The following GNA12 variants were observed in gnomAD, a reference collection of about 807,000 sequenced individuals.
GNA12 encodes G protein subunit alpha 12.
GNA12 carries 9 observed loss-of-function variants against 26.0 expected under a neutral mutation model. The observed-to-expected ratio is 0.35, with a 90% CI of 0.21 to 0.60. The LOEUF (loss-of-function observed/expected upper bound fraction) is 0.60, where lower values mean the gene tolerates loss of function less well. Ranked by LOEUF, GNA12 falls within the 20% of genes least tolerant of loss-of-function variation. The pLI is 0.78. For missense variants in GNA12, 405 were observed against 525.8 expected (o/e 0.77, Z 2.25); for synonymous variants, 264 against 219.6 (o/e 1.20, Z -1.79).
intron 2 of GNA12, among the ~76,000 whole-genome samples, chr7:2,738,074 A>C (rs1394266719): frequency 6.6e-6 from 1 of 152,190 alleles, no homozygotes; most frequent in Non-Finnish European, 1.5e-5. Flanking sequence ...GAAGCTTTTC[A>C]AGTTTTAATT....
At chr7:2,836,412 C>T (rs1421135655) in intron 1 of GNA12, among the ~76,000 whole-genome samples, 3 of 152,196 alleles carry the variant, frequency 2.0e-5, no homozygotes, top group Non-Finnish European at 2.9e-5. Flanking sequence ...GGCTACCCAG[C>T]GACCTCAGGA....
chr7:2,799,087 T>C (rs1005459090), intron 1 of GNA12, among the ~76,000 whole-genome samples: 1 of 152,206 alleles, frequency 6.6e-6, no homozygotes. Flanking sequence ...TCAAAGTTCT[T>C]AGATGTGACT....
At chr7:2,815,104 C>T in intron 1 of GNA12, 1 of 1,092,772 alleles carries the variant, frequency 9.2e-7, no homozygotes, top group Non-Finnish European at 1.3e-6. Context: ...CAGACAAGGC[C>T]TTGCCCGCAT....
rs536036232 is a variant in GNA12 at position 2,807,682 on chromosome 7, T to C, written c.310-12539A>G. 3.1e-4 allele frequency among the ~76,000 whole-genome samples: 47 copies of C among 151,880 alleles called. No homozygotes were observed. In the South Asian group the frequency reaches 8.9e-3, roughly 29 times the overall value. ...TCTGGAGGAAAGTTCAAACTTGCGA[T>C]AAGACCAAATGGAAAAAAGCTGGAA... is the stretch of plus-strand genomic sequence containing the variant. On this transcript the variant is annotated intron_variant, in intron 1 of 3. Coordinates refer to ENST00000275364, the MANE Select transcript of GNA12 (RefSeq NM_007353.3).
chr7:2,782,707 G>A (rs1476604944), intron 2 of GNA12, among the ~76,000 whole-genome samples: 2 of 150,344 alleles, frequency 1.3e-5, no homozygotes, highest in East Asian at 3.9e-4. Context: ...TTGACTGTTT[G>A]ATATGATTTA....
At chr7:2,827,946 T>C (rs1396672482) in intron 1 of GNA12, among the ~76,000 whole-genome samples, 1 of 152,112 alleles carries the variant, frequency 6.6e-6, no homozygotes, top group Non-Finnish European at 1.5e-5. Context: ...AATGAAAGAC[T>C]AGAAAAAGGG....
At chr7:2,802,350 T>C (rs1373842786) in intron 1 of GNA12, among the ~76,000 whole-genome samples, 2 of 128,020 alleles carry the variant, frequency 1.6e-5, no homozygotes, top group Non-Finnish European at 3.1e-5. Context: ...AAACTTCTAG[T>C]CAAAGTATAG....
At chr7:2,837,970 T>C (rs1309471501) in intron 1 of GNA12, among the ~76,000 whole-genome samples, 3 of 152,170 alleles carry the variant, frequency 2.0e-5, no homozygotes, top group African/African-American at 7.2e-5. Context: ...TCAAAGTCTG[T>C]TAAGTGCTAA....
rs568873058 is a variant in GNA12 at position 2,814,705 on chromosome 7, C to T, written c.310-19562G>A. ...AGCTCTAAAAGGCTGGACCAGTCAC[C>T]GTCCAGATGTGAACTCCTTGCATAT... On this transcript the variant is annotated intron_variant, in intron 1 of 3. Transcript: ENST00000275364. Among the ~76,000 whole-genome samples, 223 of 151,298 alleles carry T rather than the reference C, an allele frequency of 1.5e-3. 3 individuals are homozygous for T. Among genetic ancestry groups the T allele is most frequent in the Non-Finnish European group, 1.2e-3 (83 of 67,890 alleles).
chr7:2,780,093 T>TATATATATATAA lies in GNA12; in HGVS notation c.525+14834_525+14835insTTATATATATAT, dbSNP rs57390413. On this transcript the variant is annotated intron_variant, in intron 2 of 3. Coordinates refer to ENST00000275364, the MANE Select transcript of GNA12 (RefSeq NM_007353.3). ...ATATATATATATATATATATATATA[T>TATATATATATAA]GCCTGTTTTCCCTTCTAAACAGAAA... Among the ~76,000 whole-genome samples the TATATATATATAA allele has an allele frequency of 1.2e-4, 16 of 130,138 alleles. 1 individual carries two copies. Among genetic ancestry groups the TATATATATATAA allele is most frequent in the African/African-American group, 4.8e-4 (16 of 33,318 alleles). The allele number at this position is 130,138 out of a possible 152,430, so 85.4% of individuals were successfully genotyped here.
chr7:2,804,498 G>A (rs997896511), intron 1 of GNA12, among the ~76,000 whole-genome samples: 29 of 152,146 alleles, frequency 1.9e-4, no homozygotes, highest in African/African-American at 6.5e-4. Context: ...GGCTTTCCTT[G>A]GTCCCACCAC....
At chr7:2,746,121 A>C (rs1242028466) in intron 2 of GNA12, among the ~76,000 whole-genome samples, 4 of 152,224 alleles carry the variant, frequency 2.6e-5, no homozygotes, top group African/African-American at 4.8e-5. Context: ...CGAGACAGAA[A>C]GTTAACAAGG....
chr7:2,749,519 G>C (rs1030350821), intron 2 of GNA12, among the ~76,000 whole-genome samples: 5 of 150,986 alleles, frequency 3.3e-5, no homozygotes, highest in African/African-American at 1.2e-4. Context: ...TGTGGGGTAG[G>C]GGGAGGGGGG....
In GNA12 at chr7:2,734,252, C is replaced by T. The variant is rs367597053; in HGVS notation, c.526-751G>A. 1.3e-4 allele frequency among the ~76,000 whole-genome samples: 20 copies of T among 152,282 alleles called. No homozygotes were observed. The South Asian group carries it at 2.1e-3, about 16-fold the overall frequency. ...GGAGGAGCCGGGAGAGCGCAACCAC[C>T]GACCACAGAGCAGCCCGCATATGAA... On this transcript the variant is annotated intron_variant, in intron 2 of 3. Transcript: ENST00000275364.
At chr7:2,742,371 G>A (rs139933446) in intron 2 of GNA12, among the ~76,000 whole-genome samples, 68 of 152,208 alleles carry the variant, frequency 4.5e-4, no homozygotes, top group African/African-American at 1.5e-3. Flanking sequence ...GGGTTTTTGC[G>A]ATGTCTCCAG....
intron 2 of GNA12, among the ~76,000 whole-genome samples, chr7:2,772,608 C>G (rs1474596894): frequency 1.3e-5 from 2 of 151,644 alleles, no homozygotes; most frequent in Non-Finnish European, 2.9e-5. Flanking sequence ...CAGGAAAGTT[C>G]TTACTTAGAA....
chr7:2,830,007 G>A (rs1472182000), intron 1 of GNA12, among the ~76,000 whole-genome samples: 1 of 152,168 alleles, frequency 6.6e-6, no homozygotes, highest in Non-Finnish European at 1.5e-5. Flanking sequence ...CTCCTGCCTC[G>A]AGCTGTGGTC....
intron 1 of GNA12, chr7:2,814,337 A>G: frequency 6.3e-7 from 1 of 1,596,342 alleles, no homozygotes; most frequent in Non-Finnish European, 8.6e-7. Flanking sequence ...TGCAATGAGT[A>G]GGTGCTCAAA....
chr7:2,761,958 C>T (rs981598491), intron 2 of GNA12, among the ~76,000 whole-genome samples: 11 of 152,220 alleles, frequency 7.2e-5, no homozygotes, highest in Admixed American at 1.3e-4. Context: ...TGTCCAGCCG[C>T]CCACCAGTCC....
Sources: gnomAD v4.1 joint callset for allele counts (sites outside exome capture counted in the v4.1 genomes callset) on GRCh38, gnomAD v4.1.1 for gene constraint, MANE v1.5 for transcripts, NCBI Gene and HGNC (gene_info 2026-07-23, HGNC 2026-07-21) for gene names.